Variants in FAM78B observed in about 807,000 individuals in gnomAD.
FAM78B encodes the protein family with sequence similarity 78 member B.
A neutral mutation model predicts 20.0 loss-of-function variants in FAM78B; 10 were observed. That is an observed-to-expected ratio of 0.50 (90% confidence interval 0.31 to 0.85). The LOEUF (loss-of-function observed/expected upper bound fraction) is 0.85. Ranked by LOEUF, FAM78B falls within the 40% of genes least tolerant of loss-of-function variation. FAM78B has a pLI of 0.05. For missense variants in FAM78B, 283 were observed against 345.0 expected (o/e 0.82, Z 1.42); for synonymous variants, 135 against 132.8 (o/e 1.02, Z -0.12).
rs117193105 is a variant in FAM78B, at chr1:166,072,547, G to T, written c.264-1784C>A. On this transcript the variant is annotated intron_variant, in intron 1 of 1. Coordinates refer to ENST00000354422, the MANE Select transcript of FAM78B (RefSeq NM_001017961.5). Reference sequence around the variant, plus strand: ...AAAGGGAGTACATGTTCTTTGAGTGGGTCAGAGGTTGTGCAGAGATCCAAT... The same window carrying T: ...AAAGGGAGTACATGTTCTTTGAGTGTGTCAGAGGTTGTGCAGAGATCCAAT... 1.1e-3 allele frequency among the ~76,000 whole-genome samples: 161 copies of T among 152,234 alleles called. 1 individual carries two copies. The East Asian group carries it at 0.024, about 23-fold the overall frequency.
chr1:166,158,242 T>C (rs949225160), intron 1 of FAM78B, among the ~76,000 whole-genome samples: 1 of 152,158 alleles, frequency 6.6e-6, no homozygotes, highest in Non-Finnish European at 1.5e-5. Context: ...GGAGAATCAC[T>C]TGGGCCCAGG....
At chr1:166,123,883 G>A (rs565234421) in intron 1 of FAM78B, among the ~76,000 whole-genome samples, 17 of 152,282 alleles carry the variant, frequency 1.1e-4, no homozygotes, top group Non-Finnish European at 1.8e-4. Context: ...AGCTTGGGTC[G>A]CATGCCCATC....
intron 1 of FAM78B, among the ~76,000 whole-genome samples, chr1:166,096,852 G>C (rs72703921): frequency 3.3e-5 from 5 of 152,134 alleles, no homozygotes; most frequent in Non-Finnish European, 5.9e-5. Flanking sequence ...CGAGGGGAGA[G>C]AGATCGTGGT....
intron 1 of FAM78B, among the ~76,000 whole-genome samples, chr1:166,075,565 G>A (rs950252860): frequency 2.0e-5 from 3 of 152,220 alleles, no homozygotes; most frequent in Non-Finnish European, 4.4e-5. Flanking sequence ...TGAGGATGAT[G>A]AGGACGGGGT....
intron 1 of FAM78B, among the ~76,000 whole-genome samples, chr1:166,095,391 T>C (rs1300323558): frequency 6.6e-6 from 1 of 150,508 alleles, no homozygotes; most frequent in African/African-American, 2.5e-5. Flanking sequence ...GAGGGGAGGG[T>C]AGAGTGGTCA....
At chr1:166,103,818 A>G (rs2101749561) in intron 1 of FAM78B, among the ~76,000 whole-genome samples, 1 of 152,326 alleles carries the variant, frequency 6.6e-6, no homozygotes, top group Non-Finnish European at 1.5e-5. Context: ...ATTCCAATCA[A>G]TAGAAAAAGA....
At chr1:166,107,818 C>T (rs542258530) in intron 1 of FAM78B, among the ~76,000 whole-genome samples, 3 of 152,188 alleles carry the variant, frequency 2.0e-5, no homozygotes, top group South Asian at 2.1e-4. Context: ...TTTCATACCA[C>T]GGATGCAGGG....
chr1:166,129,607 TTCC>T (rs1654797189), intron 1 of FAM78B, among the ~76,000 whole-genome samples: 1 of 152,180 alleles, frequency 6.6e-6, no homozygotes, highest in African/African-American at 2.4e-5. Flanking sequence ...TGATTCCTGG[TTCC>T]TCCTCTTGTC....
chr1:166,163,080 T>C (rs139780591), intron 1 of FAM78B, among the ~76,000 whole-genome samples: 1 of 152,180 alleles, frequency 6.6e-6, no homozygotes, highest in East Asian at 1.9e-4. Context: ...TATTCCTTTT[T>C]CTTTGGTGCT....
chr1:166,127,500 G>A (rs577655989), intron 1 of FAM78B, among the ~76,000 whole-genome samples: 2 of 152,274 alleles, frequency 1.3e-5, no homozygotes, highest in African/African-American at 4.8e-5. Context: ...CTCTAACCTT[G>A]AGACTCTGCA....
chr1:166,166,419 T>G lies in FAM78B; in HGVS notation c.-171A>C. 2 of 427,478 alleles carry G rather than the reference T, an allele frequency of 4.7e-6. No homozygotes were observed. Among genetic ancestry groups the G allele is most frequent in the Non-Finnish European group, 6.3e-6 (2 of 315,856 alleles). 26.5% of individuals were successfully genotyped at this position (427,478 alleles called of 1,614,324 possible). ...GCATCCTTGGGGAAGCCCCCTCCTCTTGCAGCCGCGCGGGGTCCCCGCTGC... is the reference window on the plus strand; with the variant it reads ...GCATCCTTGGGGAAGCCCCCTCCTCGTGCAGCCGCGCGGGGTCCCCGCTGC... On this transcript the variant is annotated 5_prime_UTR_variant, in exon 1 of 2. Transcript: ENST00000354422.
intron 1 of FAM78B, among the ~76,000 whole-genome samples, chr1:166,093,730 A>G (rs1261409060): frequency 6.6e-6 from 1 of 152,194 alleles, no homozygotes; most frequent in Non-Finnish European, 1.5e-5. Context: ...ATAGCAGACA[A>G]GCAGGTCACA....
chr1:166,128,147 AC>A (rs1309842323), intron 1 of FAM78B, among the ~76,000 whole-genome samples: 42 of 152,272 alleles, frequency 2.8e-4, no homozygotes, highest in African/African-American at 1.0e-3. Context: ...TAATTCTGAC[AC>A]CCTATTACCT....
At chr1:166,152,290 A>G (rs1655702353) in intron 1 of FAM78B, among the ~76,000 whole-genome samples, 1 of 152,106 alleles carries the variant, frequency 6.6e-6, no homozygotes. Flanking sequence ...TAGGGATGGG[A>G]GCAGCTGCTA....
intron 1 of FAM78B, among the ~76,000 whole-genome samples, chr1:166,139,608 A>G (rs1433321364): frequency 6.6e-6 from 1 of 152,132 alleles, no homozygotes; most frequent in African/African-American, 2.4e-5. Flanking sequence ...AGGAGGTGGC[A>G]TTTGAACATC....
intron 1 of FAM78B, among the ~76,000 whole-genome samples, chr1:166,153,549 C>T (rs1196867188): frequency 6.6e-6 from 1 of 151,966 alleles, no homozygotes; most frequent in Non-Finnish European, 1.5e-5. Flanking sequence ...GGCAGGACAA[C>T]AGTGAAGGGT....
intron 2 of FAM78B, chr1:166,060,793 A>T (rs902006284): frequency 4.9e-6 from 2 of 409,760 alleles, no homozygotes; most frequent in Admixed American, 4.6e-5. Context: ...ATGACCCTGA[A>T]ATTTTACAAA....
intron 1 of FAM78B, among the ~76,000 whole-genome samples, chr1:166,083,779 G>T (rs1652677482): frequency 7.0e-6 from 1 of 142,248 alleles, no homozygotes; most frequent in Admixed American, 7.3e-5. Flanking sequence ...TGGGATTACA[G>T]GCGTGAGCCA....
At chr1:166,158,792 C>T (rs6663116) in intron 1 of FAM78B, among the ~76,000 whole-genome samples, 138,946 of 152,322 alleles carry the variant, frequency 0.91, 64,012 homozygotes, top group Middle Eastern at 0.99. Context: ...AGTTCTGCTG[C>T]TGGTGTGCAG....
Sources: gnomAD v4.1 joint callset for allele counts (sites outside exome capture counted in the v4.1 genomes callset) on GRCh38, gnomAD v4.1.1 for gene constraint, MANE v1.5 for transcripts, NCBI Gene and HGNC (gene_info 2026-07-23, HGNC 2026-07-21) for gene names.